Variants in ACTN2 observed in about 807,000 individuals in gnomAD.
ACTN2 encodes the protein actinin alpha 2, also known as alpha-actinin-2.
ACTN2 carries 39 observed loss-of-function variants against 113.8 expected under a neutral mutation model. That is an observed-to-expected ratio of 0.34 (90% CI 0.27 to 0.45). ACTN2 has a LOEUF of 0.45. ACTN2 is among the 20% of genes least tolerant of loss of function. ACTN2 has a pLI of 1.00. For synonymous variants in ACTN2, 429 were observed against 444.1 expected, an observed-to-expected ratio of 0.97 and a Z score of 0.43; for missense variants, 992 against 1,177.9, an observed-to-expected ratio of 0.84 and a Z score of 2.31.
rs1317907217 is a variant in ACTN2, at chr1:236,754,172, C to T, written c.1974+91C>T. 1.3e-6 allele frequency: 2 copies of T among 1,543,464 alleles called. No individual in the cohort carries two copies. Among genetic ancestry groups the T allele is most frequent in the East Asian group, 4.5e-5 (2 of 44,478 alleles). ...GTGACACCGCACATGCTGTGGTTTC[C>T]AGCCACCCACTCAGTCAGGTGGGAG... On this transcript the variant is annotated intron_variant, in intron 16 of 20. Coordinates refer to ENST00000366578, the MANE Select transcript of ACTN2 (RefSeq NM_001103.4). This position sits in a 1 kb window ranked among gnomAD's most constrained non-coding sequence, Gnocchi z 4.9.
chr1:236,694,470 G>C (rs1181884559), intron 1 of ACTN2, among the ~76,000 whole-genome samples: 1 of 151,850 alleles, frequency 6.6e-6, no homozygotes, highest in African/African-American at 2.4e-5. Context: ...TGATCCACCC[G>C]CCTCGACCTC....
chr1:236,698,070 G>A (rs1202796477), intron 1 of ACTN2, among the ~76,000 whole-genome samples: 1 of 150,946 alleles, frequency 6.6e-6, no homozygotes, highest in African/African-American at 2.4e-5. Flanking sequence ...CACCGCACCC[G>A]ACCCAGACAA....
chr1:236,754,052 A>G lies in ACTN2; in HGVS notation c.1945A>G (p.Ile649Val), dbSNP rs759422747. 4.3e-6 allele frequency: 7 copies of G among 1,614,022 alleles called. No individual in the cohort carries two copies. The highest frequency in any genetic ancestry group is 4.0e-5 in the African/African-American group (3 of 74,948). The change falls in exon 16 of 21, where the codon ATT becomes GTT. Residue 649 changes from isoleucine (I) to valine (V), a missense_variant. By Grantham distance (29) the Ile-to-Val change is conservative. Coordinates refer to ENST00000366578, the MANE Select transcript of ACTN2 (RefSeq NM_001103.4). The surrounding 1 kb of genome is among the most constrained non-coding windows in gnomAD (Gnocchi z 4.9). ...RRQFAAQANA[I>V]GPWIQNKMEE... ...CCAGTTTGCTGCCCAAGCCAATGCC[A>G]TTGGGCCCTGGATCCAGAACAAGAT...
At chr1:236,733,706 A>G (rs1025098361) in intron 7 of ACTN2, among the ~76,000 whole-genome samples, 1 of 152,152 alleles carries the variant, frequency 6.6e-6, no homozygotes, top group Non-Finnish European at 1.5e-5. Flanking sequence ...TTCTATCAGC[A>G]GTTTAAAATT....
chr1:236,742,761 T>C lies in ACTN2; in HGVS notation c.1108-135T>C. On this transcript the variant is annotated intron_variant, in intron 10 of 20. Coordinates refer to ENST00000366578, the MANE Select transcript of ACTN2 (RefSeq NM_001103.4). ...ATTGAATGGTTATTGAGGTGGGGGG[T>C]AAGGAAGGAAAAGAAAACAAAAGGA... The C allele has an allele frequency of 3.8e-6, 4 of 1,049,460 alleles. No homozygotes were observed. The South Asian group carries it at 4.1e-5, about 11-fold the overall frequency. The allele number at this position is 1,049,460 out of a possible 1,614,324, so 65.0% of individuals were successfully genotyped here.
intron 1 of ACTN2, among the ~76,000 whole-genome samples, chr1:236,711,437 G>C (rs1658021636): frequency 6.6e-6 from 1 of 152,144 alleles, no homozygotes; most frequent in South Asian, 2.1e-4. Flanking sequence ...TGCAACCTCT[G>C]CCTCCTGGGT....
At chr1:236,688,715 C>T (rs1665962630) in intron 1 of ACTN2, among the ~76,000 whole-genome samples, 1 of 152,126 alleles carries the variant, frequency 6.6e-6, no homozygotes, top group African/African-American at 2.4e-5. Flanking sequence ...CTAGAAGATT[C>T]TCTATTTCTA....
At chr1:236,689,698 G>C (rs142232854) in intron 1 of ACTN2, among the ~76,000 whole-genome samples, 1 of 152,214 alleles carries the variant, frequency 6.6e-6, no homozygotes, top group African/African-American at 2.4e-5. Flanking sequence ...ACACACTCTT[G>C]GAGTTAGAAT....
At chr1:236,758,452 AT>A (rs774302653) in intron 18 of ACTN2, among the ~76,000 whole-genome samples, 7,947 of 128,242 alleles carry the variant, frequency 0.062, 691 homozygotes, top group African/African-American at 0.21. Context: ...TGCCTGGCTA[AT>A]TTTTTTTTTT....
intron 1 of ACTN2, among the ~76,000 whole-genome samples, chr1:236,688,752 A>G (rs1354615554): frequency 6.6e-6 from 1 of 152,200 alleles, no homozygotes; most frequent in African/African-American, 2.4e-5. Context: ...TGCTCAAGTC[A>G]GTAAAATAAT....
intron 5 of ACTN2, 73 bp downstream of exon 5, chr1:236,726,093 T>A (rs1658542184): frequency 7.4e-7 from 1 of 1,359,404 alleles, no homozygotes; most frequent in Non-Finnish European, 1.1e-6. Context: ...AGTGTTTGTG[T>A]GCACCCGTGT....
chr1:236,715,224 G>A (rs111507537), intron 1 of ACTN2, among the ~76,000 whole-genome samples: 16,702 of 148,790 alleles, frequency 0.11, 2,449 homozygotes, highest in African/African-American at 0.34. Flanking sequence ...TGTTACATAT[G>A]TATACATGTG....
chr1:236,737,297 G>GTATTTATATA lies in ACTN2; in HGVS notation c.876+83_876+84insTATTTATATA. ...GAGGGTGAAAAAATACTCCGTGGGG[G>GTATTTATATA]CATATATATATATATATATATTTTG... On this transcript the variant is annotated intron_variant, in intron 9 of 20. Transcript: ENST00000366578. The GTATTTATATA allele has an allele frequency of 1.0e-4, 33 of 322,060 alleles. 3 individuals are homozygous for GTATTTATATA. The highest frequency in any genetic ancestry group is 2.1e-4 in the South Asian group (9 of 43,766). 20.0% of individuals were successfully genotyped at this position (322,060 alleles called of 1,614,324 possible). A position where few individuals can be genotyped will look rare whatever the true frequency, so the allele number is the denominator to read the frequency against.
rs149139445 is a variant in ACTN2, at chr1:236,715,688, G to T, written c.127-2170G>T. 5.9e-5 allele frequency among the ~76,000 whole-genome samples: 9 copies of T among 152,292 alleles called. No homozygotes were observed. The East Asian group carries it at 1.7e-3, about 29-fold the overall frequency. ...ATATGGCTTAAGACCGAGTGTGGTG[G>T]CTCATGCCTGTAATCCCAGCACTTT... On this transcript the variant is annotated intron_variant, in intron 1 of 20. Transcript: ENST00000366578.
Position 236,747,791 on chromosome 1 carries a change from C to T in ACTN2, c.1515+16C>T, listed in dbSNP as rs766523867. On this transcript the variant is annotated intron_variant, in intron 13 of 20. Coordinates refer to ENST00000366578, the MANE Select transcript of ACTN2 (RefSeq NM_001103.4). ...AGCCCTAGAGGTGAAGTATTGAAGC[C>T]ACTTGTTGACATGAAATCTTTTAAT... 3 of 1,558,422 alleles carry T rather than the reference C, an allele frequency of 1.9e-6. No individual in the cohort carries two copies. Among genetic ancestry groups the T allele is most frequent in the Non-Finnish European group, 1.8e-6 (2 of 1,130,548 alleles).
rs7541669 is a variant in ACTN2, at chr1:236,709,245, T to C, written c.127-8613T>C. Reference sequence around the variant, plus strand: ...GTATATATATATATATATATATATATATATATATATACACACACACACACA... The same window carrying C: ...GTATATATATATATATATATATATACATATATATATACACACACACACACA... On this transcript the variant is annotated intron_variant, in intron 1 of 20. Coordinates refer to ENST00000366578, the MANE Select transcript of ACTN2 (RefSeq NM_001103.4). Among the ~76,000 whole-genome samples, 157 of 81,298 alleles carry C rather than the reference T, an allele frequency of 1.9e-3. 2 individuals are homozygous for C. Among genetic ancestry groups the C allele is most frequent in the African/African-American group, 6.4e-3 (149 of 23,340 alleles). The allele number at this position is 81,298 out of a possible 152,430, so 53.3% of individuals were successfully genotyped here.
rs546293678 is a variant in ACTN2 at position 236,751,506 on chromosome 1, C to G, written c.1693C>G (p.Leu565Val). ...TGCGCATGAGCAGTTCAAGGCCACG[C>G]TGCCCGAGGCGGACGGAGAGCGGCA... ...ITAHEQFKATLPEADGERQSI... is the reference protein window; with the variant it reads ...ITAHEQFKATVPEADGERQSI... The change falls in exon 15 of 21, where the codon CTG becomes GTG. Residue 565 changes from leucine (L) to valine (V), a missense_variant. Coordinates refer to ENST00000366578, the MANE Select transcript of ACTN2 (RefSeq NM_001103.4). 6.2e-7 allele frequency: 1 copy of G among 1,614,154 alleles called. No homozygotes were observed. The highest frequency in any genetic ancestry group is 2.2e-5 in the East Asian group (1 of 44,880).
At chr1:236,702,844 A>AT (rs746239598) in intron 1 of ACTN2, among the ~76,000 whole-genome samples, 1 of 152,214 alleles carries the variant, frequency 6.6e-6, no homozygotes, top group Non-Finnish European at 1.5e-5. Context: ...AATGCAGAGA[A>AT]TATGGTGTAT....
chr1:236,708,891 C>A (rs1657913891), intron 1 of ACTN2, among the ~76,000 whole-genome samples: 3 of 152,084 alleles, frequency 2.0e-5, no homozygotes, highest in Admixed American at 2.0e-4. Flanking sequence ...TCCTCTTCCA[C>A]TTTAGTCAGT....
Sources: allele counts gnomAD v4.1 joint callset (sites outside exome capture counted in the v4.1 genomes callset), GRCh38; gene constraint gnomAD v4.1.1; non-coding constraint Gnocchi (gnomAD v3.1); transcripts MANE v1.5; gene names NCBI Gene and HGNC (gene_info 2026-07-23, HGNC 2026-07-21).